Variants in DDO observed in about 807,000 individuals in gnomAD.
DDO encodes D-aspartate oxidase, DDO.
DDO carries 16 observed loss-of-function variants against 16.8 expected under a neutral mutation model. The ratio of observed to expected loss-of-function variants is 0.95; its 90% CI spans 0.65 to 1.45. The LOEUF (loss-of-function observed/expected upper bound fraction) is 1.45. DDO is among the 40% of genes most tolerant of loss of function. The probability of loss-of-function intolerance (pLI) is 0.00; values close to 1 mark genes in which losing one functional copy is unlikely to be tolerated. For synonymous variants in DDO, 180 were observed against 167.2 expected (o/e 1.08, Z -0.59); for missense variants, 429 against 420.3 (o/e 1.02, Z -0.18).
chr6:110,388,635 A>G (rs1773053474), downstream of DDO, among the ~76,000 whole-genome samples: 1 of 152,186 alleles, frequency 6.6e-6, no homozygotes, highest in Non-Finnish European at 1.5e-5. Flanking sequence ...AGTTAAAAAA[A>G]AAATCCTAAA....
At chr6:110,400,829 C>T (rs889900708) in intron 4 of DDO, among the ~76,000 whole-genome samples, 1 of 152,266 alleles carries the variant, frequency 6.6e-6, no homozygotes, top group African/African-American at 2.4e-5. Flanking sequence ...GCCGCACCTT[C>T]TTTCAGCTGG....
intron 4 of DDO, among the ~76,000 whole-genome samples, chr6:110,397,942 G>C (rs1417264868): frequency 6.6e-6 from 1 of 152,216 alleles, no homozygotes; most frequent in African/African-American, 2.4e-5. Context: ...TGTTAAATTA[G>C]GTGACCAAGT....
In DDO at chr6:110,392,936, C is replaced by G. The variant is rs1327028852; in HGVS notation, c.865G>C (p.Glu289Gln). ...PYRPGVRLQT[E>Q]LLARDGQRLP... The stretch of plus-strand genomic sequence containing the variant: ...CTCTGTCCATCTCGCGCAAGGAGCT[C>G]TGTCTGCAGTCGCACGCCTGGCCTG... The change falls in exon 5 of 5, where the codon GAG becomes CAG. Residue 289 changes from glutamate (E) to glutamine (Q), a missense_variant. Coordinates refer to ENST00000368924, the MANE Select transcript of DDO (RefSeq NM_001372108.2). 1 of 1,614,260 alleles carries G rather than the reference C, an allele frequency of 6.2e-7. No individual in the cohort carries two copies.
intron 2 of DDO, among the ~76,000 whole-genome samples, chr6:110,411,135 C>T (rs887240289): frequency 1.9e-4 from 29 of 152,096 alleles, no homozygotes; most frequent in South Asian, 2.1e-4. Flanking sequence ...GACATGGAAC[C>T]CTCTTCCCTG....
chr6:110,388,683 G>A (rs117085643), downstream of DDO: 4,240 of 451,292 alleles, frequency 9.4e-3, 32 homozygotes, highest in South Asian at 0.028. Context: ...AGAAGCACAC[G>A]CTGGCAATGA....
At position 110,412,253 on chromosome 6, in the gene DDO, T is replaced by TAA. The variant is rs35501611; in HGVS notation, c.172+1036_172+1037dup. On this transcript the variant is annotated intron_variant, in intron 2 of 4. Coordinates refer to ENST00000368924, the MANE Select transcript of DDO (RefSeq NM_001372108.2). ...TGGGTGACAGGGCAAGACTCTGTCT[T>TAA]AAAAAAAAAAAAAAATCCATGCATC... Among the ~76,000 whole-genome samples, 503 of 145,906 alleles carry TAA rather than the reference T, an allele frequency of 3.4e-3. 2 individuals are homozygous for TAA. Among genetic ancestry groups the TAA allele is most frequent in the African/African-American group, 8.0e-3 (315 of 39,580 alleles).
chr6:110,412,112 G>A (rs113722667), intron 2 of DDO, among the ~76,000 whole-genome samples: 6,745 of 152,182 alleles, frequency 0.044, 188 homozygotes, highest in African/African-American at 0.07. Flanking sequence ...CGGGCGTGGT[G>A]GCTCATGCCT....
intron 1 of DDO, among the ~76,000 whole-genome samples, chr6:110,413,993 C>G (rs1474763157): frequency 6.6e-6 from 1 of 152,144 alleles, no homozygotes; most frequent in African/African-American, 2.4e-5. Context: ...AGGCTGGTCT[C>G]GAACTCCTGA....
At chr6:110,402,615 C>T (rs1443950678) in intron 4 of DDO, among the ~76,000 whole-genome samples, 1 of 152,150 alleles carries the variant, frequency 6.6e-6, no homozygotes, top group African/African-American at 2.4e-5. Context: ...GCTGAGATCA[C>T]GCCACTGCAC....
At chr6:110,397,225 A>G (rs1773319585) in intron 4 of DDO, among the ~76,000 whole-genome samples, 1 of 152,232 alleles carries the variant, frequency 6.6e-6, no homozygotes, top group Admixed American at 6.5e-5. Flanking sequence ...TATTTTTAAA[A>G]AAGTGCTTAG....
chr6:110,408,501 C>T (rs1024141095), intron 2 of DDO, 59 bp from the exon 3 acceptor site: 28 of 1,472,212 alleles, frequency 1.9e-5, no homozygotes, highest in African/African-American at 1.8e-4. Context: ...AATGACAGTG[C>T]TTCAAATAAG....
chr6:110,404,653 A>C, intron 4 of DDO, 121 bp downstream of exon 4: 2 of 1,053,136 alleles, frequency 1.9e-6, no homozygotes, highest in East Asian at 2.4e-5. Context: ...TGTGAGTGGC[A>C]AGGCAACGCG....
At chr6:110,406,245 G>C (rs9400382) in intron 3 of DDO, among the ~76,000 whole-genome samples, 101,149 of 151,990 alleles carry the variant, frequency 0.67, 34,592 homozygotes, top group East Asian at 0.95. Flanking sequence ...CTCCCCACTA[G>C]ATAAGTCCAC....
intron 3 of DDO, among the ~76,000 whole-genome samples, chr6:110,408,004 A>G (rs1184147259): frequency 6.6e-6 from 1 of 152,142 alleles, no homozygotes; most frequent in Non-Finnish European, 1.5e-5. Context: ...CATCGGCTGT[A>G]CCATCCCCAC....
At chr6:110,397,260 A>G (rs1258979927) in intron 4 of DDO, among the ~76,000 whole-genome samples, 1 of 152,258 alleles carries the variant, frequency 6.6e-6, no homozygotes, top group East Asian at 1.9e-4. Flanking sequence ...ACTGTAAAAT[A>G]CAAGACCCAG....
chr6:110,396,399 A>G (rs1328517233), intron 4 of DDO, among the ~76,000 whole-genome samples: 1 of 152,206 alleles, frequency 6.6e-6, no homozygotes, highest in African/African-American at 2.4e-5. Flanking sequence ...GGCAAGAAGA[A>G]CTCAGAGGCT....
At chr6:110,389,524 CA>C, downstream of DDO, among the ~76,000 whole-genome samples, 1 of 152,270 alleles carries the variant, frequency 6.6e-6, no homozygotes, top group Middle Eastern at 3.4e-3. Context: ...TTACATTTGG[CA>C]GAGATTCAAA....
chr6:110,395,438 T>C (rs1773259249), intron 4 of DDO, among the ~76,000 whole-genome samples: 1 of 151,494 alleles, frequency 6.6e-6, no homozygotes, highest in South Asian at 2.1e-4. Flanking sequence ...ACCCTGCCGA[T>C]CTTACACATC....
chr6:110,413,432 C>T lies in DDO; in HGVS notation c.31G>A (p.Ala11Thr), dbSNP rs1773931525. Residue 11 changes from alanine to threonine, a missense_variant, in exon 2 of 5, where the codon GCA (alanine) becomes ACA (threonine). Physicochemically the swap from Ala to Thr is moderately conservative, Grantham distance 58. Transcript: ENST00000368924. MDTARIAVVG[A>T]GVVGLSTAVC... ...GCCGTGGAGAGCCCCACCACACCTG[C>T]CCCGACAACTGCAATCCGTGCTGTG... is the stretch of plus-strand genomic sequence containing the variant. 6.2e-7 allele frequency: 1 copy of T among 1,613,834 alleles called. No homozygotes were observed. The highest frequency in any genetic ancestry group is 8.5e-7 in the Non-Finnish European group (1 of 1,180,018).
Sources: gnomAD v4.1 joint callset for allele counts (sites outside exome capture counted in the v4.1 genomes callset) on GRCh38, gnomAD v4.1.1 for gene constraint, MANE v1.5 for transcripts, NCBI Gene and HGNC (gene_info 2026-07-23, HGNC 2026-07-21) for gene names.